USP15: variants seen among roughly 807,000 people sequenced by gnomAD.
The protein encoded by USP15 is ubiquitin specific peptidase 15.
A neutral mutation model predicts 127.1 loss-of-function variants in USP15; 18 were observed. The observed-to-expected ratio is 0.14, with a 90% CI of 0.10 to 0.21. USP15 has a LOEUF of 0.21. USP15 is among the 10% of genes least tolerant of loss of function. The pLI, the probability that USP15 is intolerant of heterozygous loss-of-function variation, is 1.00. For missense variants in USP15, 805 were observed against 1,159.9 expected (o/e 0.69, Z 4.44); for synonymous variants, 364 against 393.7 (o/e 0.92, Z 0.89).
In USP15 at chr12:62,312,143, AG is replaced by A. The variant is rs573475858; in HGVS notation, c.349-2645del. On this transcript the variant is annotated intron_variant, in intron 3 of 21. Coordinates refer to ENST00000280377, the MANE Select transcript of USP15 (RefSeq NM_001252078.2). ...GGTCTAATTTATCTGCACCAAATGT[AG>A]GTACTCAATAAATGCTTTTAAAATG... The A allele has an allele frequency of 1.9e-4, 30 of 156,516 alleles. No homozygotes were observed. In the East Asian group the frequency reaches 4.8e-3, roughly 25 times the overall value. The allele number at this position is 156,516 out of a possible 1,614,324, so 9.7% of individuals were successfully genotyped here.
chr12:62,364,170 A>G (rs1277854432), intron 8 of USP15, among the ~76,000 whole-genome samples: 1 of 152,214 alleles, frequency 6.6e-6, no homozygotes, highest in Non-Finnish European at 1.5e-5. Flanking sequence ...CCTGCAATAC[A>G]TTTGAATGGA....
intron 6 of USP15, among the ~76,000 whole-genome samples, chr12:62,346,979 G>A (rs1346908550): frequency 6.6e-6 from 1 of 151,870 alleles, no homozygotes; most frequent in Non-Finnish European, 1.5e-5. Flanking sequence ...ATCACCTTAT[G>A]TCACCACCTA....
Position 62,391,906 on chromosome 12 carries a change from C to T in USP15, c.2304+20C>T, listed in dbSNP as rs780491191. On this transcript the variant is annotated intron_variant, in intron 17 of 21. Transcript: ENST00000280377. ...GCTGAGGTAAGTCATCACTCACTCACTTATTTACCTTTCCTTGATTTACTT... is the reference window on the plus strand; with the variant it reads ...GCTGAGGTAAGTCATCACTCACTCATTTATTTACCTTTCCTTGATTTACTT... The T allele has an allele frequency of 3.8e-6, 6 of 1,583,808 alleles. No individual in the cohort carries two copies. The Admixed American group carries it at 1.0e-4, about 27-fold the overall frequency.
At chr12:62,268,593 C>T in intron 1 of USP15, among the ~76,000 whole-genome samples, 1 of 151,980 alleles carries the variant, frequency 6.6e-6, no homozygotes, top group Admixed American at 6.6e-5. Context: ...GGCCTTTATG[C>T]CCCATTTCTG....
chr12:62,378,551 T>C (rs774953556), intron 8 of USP15, among the ~76,000 whole-genome samples: 3 of 152,200 alleles, frequency 2.0e-5, no homozygotes, highest in Non-Finnish European at 4.4e-5. Context: ...TTTGTTGTTA[T>C]TTGTTAACAT....
rs183192137 is a variant in USP15, at chr12:62,402,967, A to T, written c.2764-1226A>T. ...TATGAGATATTTACTGGACAGAATTAATATAACTTGATAAAAGATATAATA... is the reference window on the plus strand; with the variant it reads ...TATGAGATATTTACTGGACAGAATTTATATAACTTGATAAAAGATATAATA... On this transcript the variant is annotated intron_variant, in intron 21 of 21. Transcript: ENST00000280377. Among the ~76,000 whole-genome samples the T allele has an allele frequency of 3.8e-3, 583 of 152,214 alleles. 3 individuals are homozygous for T. Among genetic ancestry groups the T allele is most frequent in the Middle Eastern group, 0.014 (4 of 294 alleles).
At chr12:62,270,215 G>A (rs1056108672) in intron 1 of USP15, among the ~76,000 whole-genome samples, 1 of 151,918 alleles carries the variant, frequency 6.6e-6, no homozygotes, top group African/African-American at 2.4e-5. Flanking sequence ...AAAAAATTTG[G>A]TTATTTTGTC....
chr12:62,281,942 T>G (rs570581054), intron 1 of USP15, among the ~76,000 whole-genome samples: 37 of 152,212 alleles, frequency 2.4e-4, no homozygotes, highest in Admixed American at 1.2e-3. Context: ...ATCTGCAGAG[T>G]ATAAGTTCCA....
At chr12:62,376,686 A>G (rs2066840489) in intron 8 of USP15, among the ~76,000 whole-genome samples, 1 of 152,158 alleles carries the variant, frequency 6.6e-6, no homozygotes, top group Admixed American at 6.6e-5. Flanking sequence ...ACATTCATAT[A>G]TATTCTCAGT....
chr12:62,356,273 A>AT (rs1278559706), intron 8 of USP15, among the ~76,000 whole-genome samples: 1 of 151,562 alleles, frequency 6.6e-6, no homozygotes. Context: ...CTCTATTCTT[A>AT]TTTTTTTGTT....
chr12:62,289,469 G>A (rs1247901352), intron 1 of USP15, among the ~76,000 whole-genome samples: 2 of 151,704 alleles, frequency 1.3e-5, no homozygotes, highest in African/African-American at 2.4e-5. Flanking sequence ...TTTTATTTCC[G>A]ATTGTGTTTA....
At chr12:62,295,854 T>C (rs1430261122) in intron 2 of USP15, among the ~76,000 whole-genome samples, 1 of 152,240 alleles carries the variant, frequency 6.6e-6, no homozygotes, top group Admixed American at 6.5e-5. Flanking sequence ...ATCCTCACTC[T>C]TGTATAATAC....
intron 3 of USP15, among the ~76,000 whole-genome samples, chr12:62,306,734 C>A (rs576690112): frequency 1.3e-4 from 20 of 152,188 alleles, no homozygotes; most frequent in African/African-American, 4.8e-4. Flanking sequence ...CTCCAGATGG[C>A]AAACGGTGCT....
intron 7 of USP15, among the ~76,000 whole-genome samples, chr12:62,352,700 T>C (rs2065997706): frequency 6.6e-6 from 1 of 152,038 alleles, no homozygotes; most frequent in African/African-American, 2.4e-5. Context: ...GCTAAAAGCA[T>C]CATTTCATTA....
At chr12:62,289,491 T>G (rs2137130328) in intron 1 of USP15, among the ~76,000 whole-genome samples, 1 of 152,240 alleles carries the variant, frequency 6.6e-6, no homozygotes, top group South Asian at 2.1e-4. Context: ...TCGAATCTTC[T>G]CTCTTCTTGG....
At chr12:62,367,954 A>G (rs1036329944) in intron 8 of USP15, among the ~76,000 whole-genome samples, 4 of 152,328 alleles carry the variant, frequency 2.6e-5, no homozygotes, top group African/African-American at 7.2e-5. Flanking sequence ...ATTTAGTGCT[A>G]TAAATTTCCC....
chr12:62,287,517 G>A (rs2063821613), intron 1 of USP15, among the ~76,000 whole-genome samples: 1 of 151,966 alleles, frequency 6.6e-6, no homozygotes, highest in Non-Finnish European at 1.5e-5. Context: ...CCCATTGTTA[G>A]GTTGTCTGTT....
chr12:62,337,964 A>G (rs190510629), intron 6 of USP15, among the ~76,000 whole-genome samples: 78 of 152,298 alleles, frequency 5.1e-4, no homozygotes, highest in Middle Eastern at 3.4e-3. Context: ...TCTTTATAGT[A>G]GAATGGTTTA....
intron 6 of USP15, chr12:62,335,585 T>G (rs1009669058): frequency 2.0e-6 from 2 of 1,013,566 alleles, no homozygotes; most frequent in Non-Finnish European, 2.4e-6. Context: ...ACACATATGG[T>G]AAACACCAGT....
Sources: allele counts gnomAD v4.1 joint callset (sites outside exome capture counted in the v4.1 genomes callset), GRCh38; gene constraint gnomAD v4.1.1; transcripts MANE v1.5; gene names NCBI Gene and HGNC (gene_info 2026-07-23, HGNC 2026-07-21).